The following BIRC2 variants were observed in gnomAD, a reference collection of about 807,000 sequenced individuals.
BIRC2 encodes the protein baculoviral IAP repeat-containing protein 2.
A neutral mutation model predicts 60.9 loss-of-function variants in BIRC2; 18 were observed. That is an observed-to-expected ratio of 0.30 (90% CI 0.20 to 0.44). BIRC2 has a LOEUF of 0.44. Among genes scored for constraint, BIRC2 ranks in the 20% least tolerant of loss-of-function variants. The probability of loss-of-function intolerance (pLI) is 1.00; values close to 1 mark genes in which losing one functional copy is unlikely to be tolerated. For missense variants in BIRC2, 701 were observed against 728.5 expected (o/e 0.96, Z 0.43); for synonymous variants, 282 against 247.7 (o/e 1.14, Z -1.30).
rs1951682117 is a variant in BIRC2, at chr11:102,374,590, T to C, written c.1367-2906T>C. On this transcript the variant is annotated intron_variant, in intron 6 of 8. Transcript: ENST00000227758. The stretch of plus-strand genomic sequence containing the variant: ...CTTCAAAGCTGTCAGACAGGGACAC[T>C]TAAGTCTGCAGAGGTTACTGCTGTC... Among the ~76,000 whole-genome samples, 5 of 151,734 alleles carry C rather than the reference T, an allele frequency of 3.3e-5. No homozygotes were observed. In the South Asian group the frequency reaches 1.0e-3, roughly 32 times the overall value.
intron 3 of BIRC2, among the ~76,000 whole-genome samples, chr11:102,356,122 G>C (rs979586416): frequency 2.7e-5 from 4 of 149,750 alleles, no homozygotes; most frequent in African/African-American, 9.8e-5. Flanking sequence ...AACCCTTCCA[G>C]TATTATATTG....
intron 6 of BIRC2, among the ~76,000 whole-genome samples, chr11:102,373,339 C>A (rs11225233): frequency 0.013 from 2,036 of 152,098 alleles, 40 homozygotes; most frequent in African/African-American, 0.042. Context: ...TGCTTCCTTC[C>A]GGAGCTCTTT....
Position 102,352,113 on chromosome 11 carries a change from T to G in BIRC2, c.995+1170T>G, listed in dbSNP as rs34915343. On this transcript the variant is annotated intron_variant, in intron 3 of 8. Transcript: ENST00000227758. The stretch of plus-strand genomic sequence containing the variant: ...ACCATTGTCTTTCTCTTTTTTTTTT[T>G]TTTTGTTTTGTTTTTTTTGAGACGG... Among the ~76,000 whole-genome samples, 483 of 152,026 alleles carry G rather than the reference T, an allele frequency of 3.2e-3. 9 individuals carry two copies. Among genetic ancestry groups the G allele is most frequent in the Admixed American group, 0.023 (349 of 15,284 alleles).
At chr11:102,377,466 A>G (rs773896467) in intron 6 of BIRC2, 30 bp from the exon 7 acceptor site, 50 of 1,563,796 alleles carry the variant, frequency 3.2e-5, no homozygotes, top group Middle Eastern at 3.5e-4. Context: ...TTTAAAATCT[A>G]ATGGATTTCT....
At chr11:102,366,834 C>T (rs1012646482) in intron 5 of BIRC2, among the ~76,000 whole-genome samples, 2 of 152,196 alleles carry the variant, frequency 1.3e-5, no homozygotes, top group African/African-American at 4.8e-5. Context: ...TTGAAACACT[C>T]CTAGAATATT....
chr11:102,371,871 C>A (rs199975163), intron 6 of BIRC2, among the ~76,000 whole-genome samples: 1 of 152,000 alleles, frequency 6.6e-6, no homozygotes, highest in Non-Finnish European at 1.5e-5. Context: ...TTCAGAGATT[C>A]AGCTTCTTCC....
chr11:102,376,956 A>G (rs1282956119), intron 6 of BIRC2, among the ~76,000 whole-genome samples: 3 of 152,056 alleles, frequency 2.0e-5, no homozygotes, highest in Non-Finnish European at 4.4e-5. Flanking sequence ...AAACCCTACA[A>G]TACTACAATA....
intron 6 of BIRC2, among the ~76,000 whole-genome samples, chr11:102,369,328 C>T (rs1231302921): frequency 2.4e-5 from 3 of 123,538 alleles, no homozygotes; most frequent in African/African-American, 9.3e-5. Flanking sequence ...CCCCACCCCA[C>T]CACAGTCCCC....
At chr11:102,364,207 A>G (rs1951526613) in intron 5 of BIRC2, among the ~76,000 whole-genome samples, 1 of 143,726 alleles carries the variant, frequency 7.0e-6, no homozygotes, top group East Asian at 2.1e-4. Flanking sequence ...AGAGAGAGAG[A>G]GAGAGAGAGT....
Position 102,349,627 on chromosome 11 carries a change from C to A in BIRC2, c.-228C>A. ...TATGAACAAATAGCACTTAGGTTAC[C>A]TGAAAGAGTTACTACAACCCCAAAG... is the stretch of plus-strand genomic sequence containing the variant. On this transcript the variant is annotated 5_prime_UTR_variant, in exon 2 of 9. It adds an upstream start codon to the 5' untranslated region. Transcript: ENST00000227758. 1 of 426,476 alleles carries A rather than the reference C, an allele frequency of 2.3e-6. No individual in the cohort carries two copies. Among genetic ancestry groups the A allele is most frequent in the East Asian group, 3.7e-5 (1 of 27,188 alleles). The allele number at this position is 426,476 out of a possible 1,614,324, so 26.4% of individuals were successfully genotyped here. A position where few individuals can be genotyped will look rare whatever the true frequency, so the allele number is the denominator to read the frequency against.
chr11:102,374,215 C>T (rs1030167968), intron 6 of BIRC2, among the ~76,000 whole-genome samples: 1 of 151,582 alleles, frequency 6.6e-6, no homozygotes, highest in Non-Finnish European at 1.5e-5. Context: ...TGGTGAGGAA[C>T]TGCGTTCCTT....
At chr11:102,364,184 CACAGAGAGAG>C (rs1196576784) in intron 5 of BIRC2, among the ~76,000 whole-genome samples, 1 of 104,026 alleles carries the variant, frequency 9.6e-6, no homozygotes, top group Non-Finnish European at 1.8e-5. Context: ...TACACACACA[CACAGAGAGAG>C]AGAGAGAGAG....
chr11:102,368,660 C>T (rs186235805), intron 6 of BIRC2, 112 bp downstream of exon 6: 3 of 1,403,610 alleles, frequency 2.1e-6, no homozygotes, highest in Non-Finnish European at 2.9e-6. Flanking sequence ...TGGTAGCAGT[C>T]CTCCAGTCAT....
chr11:102,364,551 G>C (rs1024905439), intron 5 of BIRC2, among the ~76,000 whole-genome samples: 4 of 152,124 alleles, frequency 2.6e-5, no homozygotes, highest in Non-Finnish European at 5.9e-5. Context: ...AGCCACATCT[G>C]TCAATTTATG....
chr11:102,360,266 T>G (rs1487566665), intron 3 of BIRC2, among the ~76,000 whole-genome samples: 1 of 152,128 alleles, frequency 6.6e-6, no homozygotes, highest in East Asian at 1.9e-4. Context: ...GTGCCTGGCC[T>G]TGAATTCTTA....
intron 3 of BIRC2, among the ~76,000 whole-genome samples, chr11:102,355,000 G>C (rs1429484255): frequency 8.4e-6 from 1 of 119,752 alleles, no homozygotes; most frequent in Non-Finnish European, 1.7e-5. Flanking sequence ...AAATATTTTA[G>C]ATATTAACTC....
At chr11:102,363,761 G>T (rs778516713) in intron 5 of BIRC2, 45 bp downstream of exon 5, 3 of 1,499,604 alleles carry the variant, frequency 2.0e-6, no homozygotes, top group East Asian at 4.6e-5. Flanking sequence ...ATTTTTATAA[G>T]AATTTTAGGA....
At chr11:102,374,814 G>T (rs934268604) in intron 6 of BIRC2, among the ~76,000 whole-genome samples, 3 of 152,230 alleles carry the variant, frequency 2.0e-5, no homozygotes, top group Non-Finnish European at 4.4e-5. Context: ...CTAGCAATCA[G>T]CGAGACTCCG....
intron 6 of BIRC2, among the ~76,000 whole-genome samples, chr11:102,371,547 T>C (rs1022111879): frequency 6.9e-6 from 1 of 145,328 alleles, no homozygotes; most frequent in African/African-American, 2.6e-5. Flanking sequence ...AGCTTTTTGA[T>C]ATGCTGCTGG....
Sources: allele counts gnomAD v4.1 joint callset (sites outside exome capture counted in the v4.1 genomes callset), GRCh38; gene constraint gnomAD v4.1.1; transcripts MANE v1.5; gene names NCBI Gene and HGNC (gene_info 2026-07-23, HGNC 2026-07-21).